Variants in TSPAN5 observed in about 807,000 individuals in gnomAD.
TSPAN5 encodes the protein tetraspanin-5.
Under a neutral mutation model 37.1 loss-of-function variants are expected in TSPAN5, and 10 were observed. The observed-to-expected ratio is 0.27, with a 90% CI of 0.17 to 0.46. The LOEUF (loss-of-function observed/expected upper bound fraction) is 0.46. TSPAN5 is among the 20% of genes least tolerant of loss of function. The probability of loss-of-function intolerance (pLI) is 1.00; values close to 1 mark genes in which losing one functional copy is unlikely to be tolerated. For synonymous variants in TSPAN5, 110 were observed against 118.9 expected, an observed-to-expected ratio of 0.93 and a Z score of 0.48; for missense variants, 195 against 326.6, an observed-to-expected ratio of 0.60 and a Z score of 3.11.
intron 1 of TSPAN5, among the ~76,000 whole-genome samples, chr4:98,590,726 G>C (rs1755609311): frequency 6.6e-6 from 1 of 151,260 alleles, no homozygotes; most frequent in South Asian, 2.1e-4. Flanking sequence ...AAAAAAAAGA[G>C]AGAGAGAGAG....
At chr4:98,552,004 A>AG (rs1480971185) in intron 1 of TSPAN5, among the ~76,000 whole-genome samples, 2 of 152,140 alleles carry the variant, frequency 1.3e-5, no homozygotes, top group East Asian at 3.9e-4. Flanking sequence ...AGTTGTTAAT[A>AG]ATAATAGTCT....
intron 1 of TSPAN5, among the ~76,000 whole-genome samples, chr4:98,514,175 C>A (rs569358386): frequency 6.8e-4 from 103 of 152,182 alleles, no homozygotes; most frequent in African/African-American, 2.3e-3. Context: ...TTAATCCCTG[C>A]CTGAATAAAC....
chr4:98,586,702 T>A (rs1308789462), intron 1 of TSPAN5, among the ~76,000 whole-genome samples: 1 of 152,234 alleles, frequency 6.6e-6, no homozygotes. Flanking sequence ...CAGCTTCTGT[T>A]GAGGAATCTA....
chr4:98,535,984 G>A (rs1024005069), intron 1 of TSPAN5, among the ~76,000 whole-genome samples: 2 of 152,026 alleles, frequency 1.3e-5, no homozygotes, highest in African/African-American at 4.8e-5. Context: ...GAGCATGCTC[G>A]TTTAGCTCAA....
intron 1 of TSPAN5, among the ~76,000 whole-genome samples, chr4:98,565,952 T>A (rs147886132): frequency 2.0e-3 from 299 of 152,172 alleles, no homozygotes; most frequent in African/African-American, 7.0e-3. Flanking sequence ...TAATACAAGC[T>A]TAGATAAAAA....
chr4:98,638,577 G>A (rs1486624866), intron 1 of TSPAN5, among the ~76,000 whole-genome samples: 3 of 152,150 alleles, frequency 2.0e-5, no homozygotes, highest in Non-Finnish European at 4.4e-5. Context: ...AAATTACAAT[G>A]GATACAGATG....
chr4:98,632,868 G>A (rs375638352), intron 1 of TSPAN5, among the ~76,000 whole-genome samples: 9 of 152,138 alleles, frequency 5.9e-5, no homozygotes, highest in East Asian at 1.9e-4. Context: ...AGCACAGACC[G>A]GGAGGATTTG....
At chr4:98,584,760 G>C (rs564921907) in intron 1 of TSPAN5, among the ~76,000 whole-genome samples, 2 of 152,268 alleles carry the variant, frequency 1.3e-5, no homozygotes, top group East Asian at 3.9e-4. Context: ...TAGGCCTATC[G>C]CCACTGCAAA....
intron 1 of TSPAN5, among the ~76,000 whole-genome samples, chr4:98,630,358 C>G (rs1019667638): frequency 3.3e-5 from 5 of 152,194 alleles, no homozygotes; most frequent in African/African-American, 1.2e-4. Context: ...TACAGCAGCA[C>G]CACCTCCTCT....
intron 1 of TSPAN5, among the ~76,000 whole-genome samples, chr4:98,629,057 T>C (rs912439330): frequency 2.4e-4 from 36 of 152,226 alleles, no homozygotes; most frequent in Non-Finnish European, 1.0e-4. Flanking sequence ...CTAGCCATCA[T>C]AGTTATTTAT....
chr4:98,523,805 T>C (rs565145547), intron 1 of TSPAN5, among the ~76,000 whole-genome samples: 7 of 152,292 alleles, frequency 4.6e-5, no homozygotes, highest in African/African-American at 1.7e-4. Flanking sequence ...AAAGGGACCA[T>C]ACAAATTATA....
chr4:98,652,862 T>C (rs1757219567), intron 1 of TSPAN5, among the ~76,000 whole-genome samples: 1 of 152,252 alleles, frequency 6.6e-6, no homozygotes, highest in African/African-American at 2.4e-5. Flanking sequence ...AAGTTTATGG[T>C]GGTTGAAACA....
intron 1 of TSPAN5, among the ~76,000 whole-genome samples, chr4:98,578,341 C>T (rs1755290600): frequency 6.6e-6 from 1 of 152,208 alleles, no homozygotes; most frequent in South Asian, 2.1e-4. Context: ...TTCAGTTTGT[C>T]TATTCACAGA....
At chr4:98,514,397 T>C (rs1020987468) in intron 1 of TSPAN5, among the ~76,000 whole-genome samples, 6 of 152,152 alleles carry the variant, frequency 3.9e-5, no homozygotes, top group African/African-American at 1.4e-4. Flanking sequence ...AGGAGGGACT[T>C]ATTTCAGGAA....
At chr4:98,626,843 T>G (rs1402245207) in intron 1 of TSPAN5, among the ~76,000 whole-genome samples, 1 of 151,992 alleles carries the variant, frequency 6.6e-6, no homozygotes, top group East Asian at 1.9e-4. Flanking sequence ...TTCTTGTTGG[T>G]TATCTGTTAC....
At chr4:98,599,920 TTTAAC>T (rs1755845711) in intron 1 of TSPAN5, among the ~76,000 whole-genome samples, 1 of 152,234 alleles carries the variant, frequency 6.6e-6, no homozygotes, top group South Asian at 2.1e-4. Context: ...GTGGACATGT[TTTAAC>T]TTATCTTGGG....
intron 1 of TSPAN5, among the ~76,000 whole-genome samples, chr4:98,618,187 C>T (rs1302729103): frequency 1.3e-5 from 2 of 152,056 alleles, no homozygotes; most frequent in African/African-American, 4.8e-5. Flanking sequence ...AAAGTGCATT[C>T]AATTTTCTAA....
chr4:98,544,698 T>C (rs578023217), intron 1 of TSPAN5, among the ~76,000 whole-genome samples: 1 of 152,272 alleles, frequency 6.6e-6, no homozygotes, highest in South Asian at 2.1e-4. Flanking sequence ...TGATGACTTT[T>C]AAGTGGCAAT....
At chr4:98,591,071 T>G (rs1305550518) in intron 1 of TSPAN5, among the ~76,000 whole-genome samples, 1 of 149,214 alleles carries the variant, frequency 6.7e-6, no homozygotes, top group African/African-American at 2.5e-5. Flanking sequence ...TTTTTTTTGT[T>G]TTTTTGTTTT....
Sources: gnomAD v4.1 joint callset for allele counts (sites outside exome capture counted in the v4.1 genomes callset) on GRCh38, gnomAD v4.1.1 for gene constraint, MANE v1.5 for transcripts, NCBI Gene and HGNC (gene_info 2026-07-23, HGNC 2026-07-21) for gene names.